The following GPATCH1 variants were observed in gnomAD, a reference collection of about 807,000 sequenced individuals.
GPATCH1 encodes the protein G-patch domain containing 1.
Under a neutral mutation model 114.9 loss-of-function variants are expected in GPATCH1, and 73 were observed. That is an observed-to-expected ratio of 0.64 (90% CI 0.53 to 0.77). GPATCH1 has a LOEUF of 0.77. Ranked by LOEUF, GPATCH1 falls within the 30% of genes least tolerant of loss-of-function variation. GPATCH1 has a pLI of 0.00. For missense variants in GPATCH1, 1,058 were observed against 1,144.3 expected (o/e 0.92, Z 1.09); for synonymous variants, 391 against 428.4 (o/e 0.91, Z 1.08).
At chr19:33,084,699 C>T (rs992368377) in intron 1 of GPATCH1, among the ~76,000 whole-genome samples, 5 of 150,844 alleles carry the variant, frequency 3.3e-5, no homozygotes, top group Admixed American at 6.6e-5. Flanking sequence ...CTTGCTCTGC[C>T]TCCCAGGCTG....
intron 12 of GPATCH1, 73 bp downstream of exon 12, chr19:33,111,975 C>G (rs3786933): frequency 8.2e-7 from 1 of 1,226,766 alleles, no homozygotes. Flanking sequence ...TAGTTTTTTC[C>G]TTTTTTTTGA....
rs747439891 is a variant in GPATCH1, at chr19:33,113,891, C to T, written c.2017C>T (p.Arg673Ter). The change falls in exon 14 of 20, where the codon CGA (arginine) becomes TGA (stop). Residue 673 changes from arginine to a stop codon, truncating the protein, a stop_gained. Transcript: ENST00000170564. LOFTEE classifies it high-confidence loss of function. Reference protein sequence around the residue: ...QASSEKVSQHRGPDKSRKPSR... With the variant: ...QASSEKVSQH ...ATCAAGTGAAAAAGTATCACAGCAC[C>T]GAGGTCCCGACAGTGAGTAGGGCGT... The T allele has an allele frequency of 5.6e-6, 9 of 1,613,916 alleles. No individual in the cohort carries two copies. In the African/African-American group the frequency reaches 6.7e-5, roughly 12 times the overall value.
chr19:33,097,888 A>G lies in GPATCH1; in HGVS notation c.986A>G (p.Tyr329Cys). 1.2e-6 allele frequency: 2 copies of G among 1,614,030 alleles called. No homozygotes were observed. The highest frequency in any genetic ancestry group is 1.7e-6 in the Non-Finnish European group (2 of 1,179,958). The part of the protein sequence containing the change: ...GLYGWTAPRQ[Y>C]KNQKESEKDL... ...TATGGCTGGACAGCACCCAGGCAGT[A>G]TAAAAACCAGAAAGGTAATTCGACA... is the stretch of plus-strand genomic sequence containing the variant. Residue 329 changes from tyrosine to cysteine, a missense_variant, in exon 8 of 20, where the codon TAT (tyrosine) becomes TGT (cysteine). Tyr to Cys is a radical substitution (Grantham distance 194). Coordinates refer to ENST00000170564, the MANE Select transcript of GPATCH1 (RefSeq NM_018025.3).
In GPATCH1 at chr19:33,105,096, G is replaced by T. The variant is rs560065234; in HGVS notation, c.1081-1599G>T. On this transcript the variant is annotated intron_variant, in intron 9 of 19. Coordinates refer to ENST00000170564, the MANE Select transcript of GPATCH1 (RefSeq NM_018025.3). ...CACTCCCCTCCTAGCTCCTGGGCCA[G>T]GTCCTCTTGGCTCTACTCACATTAT... 1.1e-4 allele frequency among the ~76,000 whole-genome samples: 16 copies of T among 152,172 alleles called. No individual in the cohort carries two copies. In the South Asian group the frequency reaches 3.3e-3, roughly 32 times the overall value.
At chr19:33,086,466 A>C (rs919472892) in intron 1 of GPATCH1, among the ~76,000 whole-genome samples, 11 of 151,820 alleles carry the variant, frequency 7.2e-5, no homozygotes, top group African/African-American at 2.4e-4. Context: ...CAAGATGACA[A>C]ATTTTTTTTC....
intron 11 of GPATCH1, among the ~76,000 whole-genome samples, chr19:33,110,652 T>TA (rs72105907): frequency 0.24 from 34,646 of 145,534 alleles, 5,024 homozygotes; most frequent in African/African-American, 0.41. Flanking sequence ...TTATTTGCTT[T>TA]AAAAAAAAAA....
rs147486100 is a variant in GPATCH1, at chr19:33,113,312, C to T, written c.1893-455C>T. 565 of 158,034 alleles carry T rather than the reference C, an allele frequency of 3.6e-3. 3 individuals carry two copies. Among genetic ancestry groups the T allele is most frequent in the Middle Eastern group, 0.013 (4 of 318 alleles). 9.8% of individuals were successfully genotyped at this position (158,034 alleles called of 1,614,324 possible). A position where few individuals can be genotyped will look rare whatever the true frequency, so the allele number is the denominator to read the frequency against. On this transcript the variant is annotated intron_variant, in intron 13 of 19. Coordinates refer to ENST00000170564, the MANE Select transcript of GPATCH1 (RefSeq NM_018025.3). Reference sequence around the variant, plus strand: ...AAAAAATTAGCTGGGCGTGGTGGTGCGTGCCTATAGTCCCAGCTATTTGGG... The same window carrying T: ...AAAAAATTAGCTGGGCGTGGTGGTGTGTGCCTATAGTCCCAGCTATTTGGG...
Position 33,097,743 on chromosome 19 carries a change from GT to G in GPATCH1, c.853-5del. ...ACACCTGTGCTCAGTTTGAAACCTT[GT>G]TTTTTTAAAGGCTTTTGGTGTAGGT... On this transcript the variant is annotated splice_polypyrimidine_tract_variant and intron_variant, in intron 7 of 19. Transcript: ENST00000170564. The G allele has an allele frequency of 8.1e-6, 13 of 1,613,218 alleles. No homozygotes were observed. Among genetic ancestry groups the G allele is most frequent in the Non-Finnish European group, 1.1e-5 (13 of 1,179,328 alleles).
At chr19:33,114,044 A>T in intron 14 of GPATCH1, 141 bp downstream of exon 14, 1 of 873,932 alleles carries the variant, frequency 1.1e-6, no homozygotes, top group South Asian at 1.7e-5. Flanking sequence ...ACTCTTACTA[A>T]TAACTTAGCT....
At chr19:33,117,040 T>TA (rs1397668303) in intron 15 of GPATCH1, among the ~76,000 whole-genome samples, 1 of 151,846 alleles carries the variant, frequency 6.6e-6, no homozygotes, top group African/African-American at 2.4e-5. Flanking sequence ...TACAAAAAAT[T>TA]AAAAAACTAG....
At chr19:33,104,964 T>C (rs1972766848) in intron 9 of GPATCH1, among the ~76,000 whole-genome samples, 1 of 152,238 alleles carries the variant, frequency 6.6e-6, no homozygotes, top group Admixed American at 6.5e-5. Context: ...CCTTGTCTGC[T>C]GTGCCATCAT....
chr19:33,113,592 C>G, intron 13 of GPATCH1, 175 bp from the exon 14 acceptor site: 1 of 559,078 alleles, frequency 1.8e-6, no homozygotes, highest in Non-Finnish European at 3.2e-6. Context: ...TAAGGAAAAT[C>G]TCATGGGACC....
At chr19:33,129,007 G>T (rs944465783) in intron 19 of GPATCH1, among the ~76,000 whole-genome samples, 9 of 152,058 alleles carry the variant, frequency 5.9e-5, no homozygotes, top group Admixed American at 1.3e-4. Flanking sequence ...CAGCACTCTG[G>T]GAGGCCGAGG....
At position 33,114,237 on chromosome 19, in the gene GPATCH1, A is replaced by T. The variant is rs770370778; in HGVS notation, c.2030-16A>T. 1 of 1,600,798 alleles carries T rather than the reference A, an allele frequency of 6.2e-7. No homozygotes were observed. Among genetic ancestry groups the T allele is most frequent in the African/African-American group, 1.4e-5 (1 of 73,952 alleles). ...CTTGCTAATGCTGGAGTTTATATCTATGTCCTGCCTTTCAGAATCAAGAAA... is the reference window on the plus strand; with the variant it reads ...CTTGCTAATGCTGGAGTTTATATCTTTGTCCTGCCTTTCAGAATCAAGAAA... On this transcript the variant is annotated splice_polypyrimidine_tract_variant and intron_variant, in intron 14 of 19. Transcript: ENST00000170564.
chr19:33,117,528 T>C (rs1972929197), intron 15 of GPATCH1, among the ~76,000 whole-genome samples: 1 of 152,088 alleles, frequency 6.6e-6, no homozygotes, highest in Non-Finnish European at 1.5e-5. Flanking sequence ...TCTCCTGACC[T>C]TGTGATCCAC....
intron 9 of GPATCH1, among the ~76,000 whole-genome samples, chr19:33,103,460 G>A (rs1302252797): frequency 6.6e-6 from 1 of 152,130 alleles, no homozygotes; most frequent in Non-Finnish European, 1.5e-5. Flanking sequence ...CAACACTTTG[G>A]GAGGCTGAGG....
intron 9 of GPATCH1, among the ~76,000 whole-genome samples, chr19:33,102,307 C>T (rs1010749593): frequency 6.6e-6 from 1 of 151,926 alleles, no homozygotes; most frequent in Non-Finnish European, 1.5e-5. Flanking sequence ...TGCACTCCAG[C>T]TTGGGCGACA....
intron 8 of GPATCH1, among the ~76,000 whole-genome samples, chr19:33,098,510 C>G (rs942762350): frequency 6.6e-6 from 1 of 152,164 alleles, no homozygotes; most frequent in Admixed American, 6.5e-5. Context: ...CAGGGCCAGA[C>G]AGTGTAGAGT....
intron 11 of GPATCH1, 82 bp downstream of exon 11, chr19:33,110,098 C>T: frequency 8.5e-7 from 1 of 1,182,018 alleles, no homozygotes; most frequent in Non-Finnish European, 1.2e-6. Context: ...CCCATATTTA[C>T]AGTTGAGGTA....
Sources: gnomAD v4.1 joint callset for allele counts (sites outside exome capture counted in the v4.1 genomes callset) on GRCh38, gnomAD v4.1.1 for gene constraint, MANE v1.5 for transcripts, NCBI Gene and HGNC (gene_info 2026-07-23, HGNC 2026-07-21) for gene names.